TTC6: variants seen among roughly 807,000 people sequenced by gnomAD.
The protein encoded by TTC6 is tetratricopeptide repeat domain 6, also known as tetratricopeptide repeat protein 6.
In TTC6, 172 loss-of-function variants were observed where a neutral mutation model predicts 210.4. The observed-to-expected ratio is 0.82, with a 90% CI of 0.72 to 0.93. The LOEUF (loss-of-function observed/expected upper bound fraction) is 0.93, where lower values mean the gene tolerates loss of function less well. TTC6 is among the 40% of genes least tolerant of loss of function. The probability of loss-of-function intolerance (pLI) is 0.00; values close to 1 mark genes in which losing one functional copy is unlikely to be tolerated. For missense variants in TTC6, 2,414 were observed against 2,318.1 expected (o/e 1.04, Z -0.85); for synonymous variants, 804 against 819.6 (o/e 0.98, Z 0.32).
intron 25 of TTC6, among the ~76,000 whole-genome samples, chr14:37,815,970 T>G (rs1364599917): frequency 1.3e-5 from 2 of 151,790 alleles, no homozygotes; most frequent in Non-Finnish European, 2.9e-5. Flanking sequence ...TTAAGTTACA[T>G]GGTCATCCTT....
intron 1 of TTC6, among the ~76,000 whole-genome samples, chr14:37,602,940 C>G (rs1016571489): frequency 1.3e-5 from 2 of 152,088 alleles, no homozygotes; most frequent in African/African-American, 4.8e-5. Flanking sequence ...TTGCTGGTCT[C>G]CACTGACCTC....
intron 3 of TTC6, among the ~76,000 whole-genome samples, chr14:37,691,067 C>T (rs1009007892): frequency 6.6e-5 from 10 of 152,140 alleles, no homozygotes; most frequent in Non-Finnish European, 1.5e-4. Context: ...TGGTGGCTCA[C>T]ATCTGCCATC....
chr14:37,767,341 T>C (rs1423657714), intron 14 of TTC6, among the ~76,000 whole-genome samples: 1 of 152,174 alleles, frequency 6.6e-6, no homozygotes, highest in Non-Finnish European at 1.5e-5. Context: ...GGTCAAATGG[T>C]ATTTCTAGTT....
intron 6 of TTC6, among the ~76,000 whole-genome samples, chr14:37,718,559 A>AC (rs1468299100): frequency 6.6e-6 from 1 of 151,924 alleles, no homozygotes; most frequent in Admixed American, 6.6e-5. Context: ...AAGTGGGAAA[A>AC]AAAAGCTTGC....
chr14:37,612,926 A>G (rs1467647005), intron 2 of TTC6, among the ~76,000 whole-genome samples: 1 of 152,172 alleles, frequency 6.6e-6, no homozygotes, highest in African/African-American at 2.4e-5. Context: ...GTCATCTGCA[A>G]ATAGGGACGC....
intron 2 of TTC6, among the ~76,000 whole-genome samples, chr14:37,610,429 G>T (rs766866571): frequency 6.6e-6 from 1 of 152,144 alleles, no homozygotes; most frequent in Non-Finnish European, 1.5e-5. Flanking sequence ...GAGAGAGAGG[G>T]GTTGGTACAG....
intron 1 of TTC6, among the ~76,000 whole-genome samples, chr14:37,602,455 C>T (rs2095617475): frequency 6.6e-6 from 1 of 152,148 alleles, no homozygotes; most frequent in Non-Finnish European, 1.5e-5. Flanking sequence ...TTTTTTCATC[C>T]TTAAATTTTA....
chr14:37,775,217 A>G (rs1030577650), intron 14 of TTC6, among the ~76,000 whole-genome samples: 1 of 152,044 alleles, frequency 6.6e-6, no homozygotes, highest in African/African-American at 2.4e-5. Flanking sequence ...GGCTTTTCAC[A>G]TCTCAATTTC....
intron 10 of TTC6, among the ~76,000 whole-genome samples, chr14:37,741,354 C>T (rs529482146): frequency 1.5e-5 from 2 of 132,490 alleles, no homozygotes; most frequent in Non-Finnish European, 3.1e-5. Context: ...TGCAGTAGCA[C>T]CTCGGCTCAC....
intron 14 of TTC6, among the ~76,000 whole-genome samples, chr14:37,773,890 CATGGA>C (rs927570013): frequency 6.6e-6 from 1 of 152,152 alleles, no homozygotes; most frequent in African/African-American, 2.4e-5. Flanking sequence ...TATCCATGAG[CATGGA>C]ATGTTTTTTT....
At chr14:37,836,290 TC>T (rs2096197731) in intron 29 of TTC6, among the ~76,000 whole-genome samples, 1 of 152,314 alleles carries the variant, frequency 6.6e-6, no homozygotes, top group African/African-American at 2.4e-5. Context: ...TGCTCAAAGA[TC>T]AATTGTCTCT....
At chr14:37,786,321 A>C (rs2096067537) in intron 14 of TTC6, among the ~76,000 whole-genome samples, 1 of 152,166 alleles carries the variant, frequency 6.6e-6, no homozygotes, top group Non-Finnish European at 1.5e-5. Context: ...AAGTGTCAGC[A>C]ATGGCAGCCG....
At chr14:37,734,254 A>G (rs955371603) in intron 7 of TTC6, among the ~76,000 whole-genome samples, 4 of 152,094 alleles carry the variant, frequency 2.6e-5, no homozygotes, top group Admixed American at 2.0e-4. Context: ...CCTTCCACCC[A>G]CTTTTAATCT....
chr14:37,639,622 G>A (rs923479489), intron 1 of TTC6, among the ~76,000 whole-genome samples: 2 of 150,944 alleles, frequency 1.3e-5, no homozygotes, highest in Admixed American at 1.3e-4. Context: ...TGTAATCCCA[G>A]CACTTTGGGA....
chr14:37,741,743 T>C (rs894671270), intron 10 of TTC6, among the ~76,000 whole-genome samples: 6 of 152,200 alleles, frequency 3.9e-5, no homozygotes, highest in Admixed American at 3.3e-4. Flanking sequence ...AGTTGAATTA[T>C]GGCTGTGGAA....
At chr14:37,819,851 G>A (rs1316431490) in intron 26 of TTC6, among the ~76,000 whole-genome samples, 1 of 152,190 alleles carries the variant, frequency 6.6e-6, no homozygotes, top group East Asian at 1.9e-4. Context: ...TGTGTCTGTG[G>A]CCTAGTGGAC....
intron 5 of TTC6, among the ~76,000 whole-genome samples, chr14:37,709,848 G>C (rs1220507104): frequency 6.6e-6 from 1 of 151,990 alleles, no homozygotes; most frequent in Non-Finnish European, 1.5e-5. Flanking sequence ...AAGGACTAAA[G>C]AAAGCTATTT....
intron 8 of TTC6, among the ~76,000 whole-genome samples, 182 bp from the exon 11 acceptor site, chr14:37,737,478 A>T (rs752645417): frequency 2.0e-5 from 3 of 152,184 alleles, no homozygotes; most frequent in Non-Finnish European, 2.9e-5. Context: ...ACATTAATTC[A>T]TAGATTTTAA....
chr14:37,687,690 C>T (rs1347166766), intron 3 of TTC6, among the ~76,000 whole-genome samples: 1 of 152,076 alleles, frequency 6.6e-6, no homozygotes, highest in African/African-American at 2.4e-5. Flanking sequence ...GGCCCTAGCT[C>T]CCAGACATTT....
Sources: gnomAD v4.1 joint callset for allele counts (sites outside exome capture counted in the v4.1 genomes callset) on GRCh38, gnomAD v4.1.1 for gene constraint, MANE v1.5 for transcripts, NCBI Gene and HGNC (gene_info 2026-07-23, HGNC 2026-07-21) for gene names.